Variants in NMS observed in about 807,000 individuals in gnomAD.
NMS encodes the protein neuromedin-S.
Under a neutral mutation model 32.2 loss-of-function variants are expected in NMS, and 30 were observed. The observed-to-expected ratio is 0.93, with a 90% confidence interval of 0.70 to 1.26. The LOEUF is 1.26. Among genes scored for constraint, NMS ranks in the 50% most tolerant of loss-of-function variants. NMS has a pLI of 0.00. For missense variants in NMS, 190 were observed against 186.3 expected, an observed-to-expected ratio of 1.02 and a Z score of -0.12; for synonymous variants, 76 against 58.5, an observed-to-expected ratio of 1.30 and a Z score of -1.37.
intron 9 of NMS, among the ~76,000 whole-genome samples, chr2:100,482,589 G>C (rs1230102882): frequency 6.6e-6 from 1 of 152,064 alleles, no homozygotes; most frequent in Non-Finnish European, 1.5e-5. Context: ...CTGTCACTGC[G>C]ATGGGGATGC....
At chr2:100,483,003 G>A (rs1169658568) in intron 9 of NMS, among the ~76,000 whole-genome samples, 1 of 152,210 alleles carries the variant, frequency 6.6e-6, no homozygotes, top group African/African-American at 2.4e-5. Context: ...GGAAATGGCA[G>A]TACCCAGCAA....
intron 3 of NMS, 96 bp from the exon 4 acceptor site, chr2:100,477,148 C>A: frequency 1.0e-6 from 1 of 967,042 alleles, no homozygotes; most frequent in Non-Finnish European, 1.6e-6. Context: ...TCAGGTAAAT[C>A]CACTAAGGTC....
intron 2 of NMS, 96 bp downstream of exon 2, chr2:100,472,946 T>C (rs1309447011): frequency 3.7e-6 from 3 of 808,616 alleles, no homozygotes; most frequent in Non-Finnish European, 6.0e-6. Context: ...TGAGATCAGA[T>C]TTTTGGCTGC....
intron 2 of NMS, 109 bp downstream of exon 2, chr2:100,472,959 C>T: frequency 1.5e-6 from 1 of 677,274 alleles, no homozygotes; most frequent in Non-Finnish European, 2.5e-6. Flanking sequence ...TTGGCTGCAG[C>T]AGAAACTCAC....
chr2:100,473,746 G>A (rs1677050317), intron 3 of NMS, among the ~76,000 whole-genome samples: 3 of 151,626 alleles, frequency 2.0e-5, no homozygotes, highest in African/African-American at 7.3e-5. Flanking sequence ...TATAAAATAT[G>A]GGTAGTTCAT....
intron 3 of NMS, among the ~76,000 whole-genome samples, chr2:100,475,675 C>G (rs1156485476): frequency 6.6e-6 from 1 of 152,040 alleles, no homozygotes; most frequent in African/African-American, 2.4e-5. Context: ...CAACATAGAT[C>G]AGTAAACTTT....
At chr2:100,480,578 C>T (rs376114842) in intron 7 of NMS, 47 bp downstream of exon 7, 14 of 1,606,322 alleles carry the variant, frequency 8.7e-6, no homozygotes, top group African/African-American at 6.7e-5. Flanking sequence ...AAGCCCTACC[C>T]GAGAAGGGTG....
At chr2:100,482,193 T>C (rs2104340525) in intron 8 of NMS, 84 bp from the exon 9 acceptor site, 1 of 1,352,738 alleles carries the variant, frequency 7.4e-7, no homozygotes, top group Admixed American at 1.7e-5. Context: ...GGCCTTAGGG[T>C]TCAACAGAGA....
At chr2:100,478,019 G>C (rs372440343) in intron 5 of NMS, among the ~76,000 whole-genome samples, 3 of 151,704 alleles carry the variant, frequency 2.0e-5, no homozygotes, top group Non-Finnish European at 4.4e-5. Flanking sequence ...TGGAGTGCAG[G>C]GGCGCCATCT....
At chr2:100,482,496 C>A (rs987147289) in intron 9 of NMS, among the ~76,000 whole-genome samples, 185 bp downstream of exon 9, 43 of 152,062 alleles carry the variant, frequency 2.8e-4, no homozygotes, top group African/African-American at 1.0e-3. Flanking sequence ...GACCCCCACC[C>A]CAGCCTAGCA....
At chr2:100,470,973 T>TCG (rs1676997430) in intron 1 of NMS, among the ~76,000 whole-genome samples, 1 of 152,212 alleles carries the variant, frequency 6.6e-6, no homozygotes, top group Non-Finnish European at 1.5e-5. Flanking sequence ...GATGGGCAGT[T>TCG]CGAGAAGGGC....
chr2:100,472,968 A>C, intron 2 of NMS, 118 bp downstream of exon 2: 1 of 617,906 alleles, frequency 1.6e-6, no homozygotes, highest in East Asian at 2.9e-5. Flanking sequence ...GCAGAAACTC[A>C]CTGTTGCCAT....
intron 3 of NMS, among the ~76,000 whole-genome samples, chr2:100,475,322 G>T (rs2104333231): frequency 6.6e-6 from 1 of 152,198 alleles, no homozygotes; most frequent in Non-Finnish European, 1.5e-5. Flanking sequence ...TGTGTTGCTG[G>T]AGCTCTAAGT....
At position 100,481,168 on chromosome 2, in the gene NMS, G is replaced by T. The variant is rs1381642240; in HGVS notation, c.414+1G>T. 33 of 1,614,066 alleles carry T rather than the reference G, an allele frequency of 2.0e-5. No individual in the cohort carries two copies. Among genetic ancestry groups the T allele is most frequent in the African/African-American group, 2.7e-5 (2 of 75,048 alleles). On this transcript the variant is annotated splice_donor_variant, in intron 8 of 9. Transcript: ENST00000376865. LOFTEE classifies it high-confidence loss of function. ...GGGACGACCCTTTTTCCTTTTCAGGGTATAGCATGTTTTCTCACCTTTGCT... is the reference window on the plus strand; with the variant it reads ...GGGACGACCCTTTTTCCTTTTCAGGTTATAGCATGTTTTCTCACCTTTGCT...
At chr2:100,482,937 G>A (rs1677248291) in intron 9 of NMS, among the ~76,000 whole-genome samples, 1 of 152,202 alleles carries the variant, frequency 6.6e-6, no homozygotes, top group African/African-American at 2.4e-5. Context: ...GCCAGCAGGG[G>A]TCAGTAGTCA....
At chr2:100,476,809 A>T (rs1404624248) in intron 3 of NMS, among the ~76,000 whole-genome samples, 1 of 152,226 alleles carries the variant, frequency 6.6e-6, no homozygotes, top group Non-Finnish European at 1.5e-5. Flanking sequence ...CTGCAAGGAT[A>T]GCAAAAATTC....
At chr2:100,480,259 C>T (rs750949681) in intron 6 of NMS, among the ~76,000 whole-genome samples, 11 of 152,238 alleles carry the variant, frequency 7.2e-5, no homozygotes, top group Admixed American at 1.3e-4. Flanking sequence ...GCAAACTTAA[C>T]GTACTTGGAC....
intron 6 of NMS, among the ~76,000 whole-genome samples, chr2:100,479,956 C>G (rs1433390782): frequency 6.6e-6 from 1 of 152,076 alleles, no homozygotes; most frequent in Non-Finnish European, 1.5e-5. Context: ...ATTTTGAACA[C>G]CCTGCCCAGG....
Position 100,479,364 on chromosome 2 carries a change from G to A in NMS, c.273G>A (p.Val91=). 1 of 1,608,994 alleles carries A rather than the reference G, an allele frequency of 6.2e-7. No individual in the cohort carries two copies. The highest frequency in any genetic ancestry group is 8.5e-7 in the Non-Finnish European group (1 of 1,177,636). The part of the protein sequence containing the change: ...THPVKTGFPP[V]HPLMHLAAKL... ...CCTGTCTGTTGCAGTTTCCTCCAGT[G>A]CATCCTCTAATGCACCTGGCTGCCA... is the stretch of plus-strand genomic sequence containing the variant. Residue 91 remains valine (V), a synonymous_variant, in exon 6 of 10, where the codon GTG becomes GTA. Transcript: ENST00000376865.
Sources: allele counts gnomAD v4.1 joint callset (sites outside exome capture counted in the v4.1 genomes callset), GRCh38; gene constraint gnomAD v4.1.1; transcripts MANE v1.5; gene names NCBI Gene and HGNC (gene_info 2026-07-23, HGNC 2026-07-21).